The following LBP variants were observed in gnomAD, a reference collection of about 807,000 sequenced individuals.
The protein encoded by LBP is lipopolysaccharide binding protein, also known as lipopolysaccharide-binding protein.
LBP carries 53 observed loss-of-function variants against 56.6 expected under a neutral mutation model. The ratio of observed to expected loss-of-function variants is 0.94; its 90% CI spans 0.75 to 1.18. LBP has a LOEUF of 1.18. LBP is among the 50% of genes most tolerant of loss of function. The pLI, the probability that LBP is intolerant of heterozygous loss-of-function variation, is 0.00. For missense variants in LBP, 601 were observed against 598.3 expected, an observed-to-expected ratio of 1.00 and a Z score of -0.05; for synonymous variants, 227 against 247.5, an observed-to-expected ratio of 0.92 and a Z score of 0.78.
At position 38,346,564 on chromosome 20, in the gene LBP, G is replaced by T. The variant is rs1455577921; in HGVS notation, c.48G>T (p.Leu16=). Residue 16 remains leucine (L), a synonymous_variant, in exon 1 of 15, where the codon CTG becomes CTT. Transcript: ENST00000217407. Reference sequence around the variant, plus strand: ...TGCCGTCCATACTGCTGGCATTGCTGCTTACGTCCACCCCAGAGGCTCTGG... The same window carrying T: ...TGCCGTCCATACTGCTGGCATTGCTTCTTACGTCCACCCCAGAGGCTCTGG... ...RALPSILLAL[L]LTSTPEALGA... The T allele has an allele frequency of 6.2e-7, 1 of 1,613,724 alleles. No homozygotes were observed. Among genetic ancestry groups the T allele is most frequent in the Non-Finnish European group, 8.5e-7 (1 of 1,180,018 alleles).
chr20:38,372,499 T>C (rs534076414), intron 12 of LBP, among the ~76,000 whole-genome samples: 173 of 152,314 alleles, frequency 1.1e-3, no homozygotes, highest in Non-Finnish European at 2.0e-3. Context: ...GCATGAAATG[T>C]AAAAACAAAA....
chr20:38,350,756 G>T, intron 2 of LBP, 55 bp from the exon 3 acceptor site: 14 of 1,560,018 alleles, frequency 9.0e-6, no homozygotes, highest in Non-Finnish European at 1.2e-5. Context: ...AAGGTCCCTG[G>T]TGAGGCTGGG....
At chr20:38,355,255 TG>T (rs1278492469) in intron 4 of LBP, 90 bp from the exon 5 acceptor site, 8 of 1,163,924 alleles carry the variant, frequency 6.9e-6, no homozygotes, top group Non-Finnish European at 1.0e-5. Flanking sequence ...GGGCTCCCTT[TG>T]TGGACTGGCC....
At chr20:38,353,662 C>T (rs1428336362) in intron 3 of LBP, among the ~76,000 whole-genome samples, 1 of 152,046 alleles carries the variant, frequency 6.6e-6, no homozygotes, top group Non-Finnish European at 1.5e-5. Context: ...TTTCAGAAAG[C>T]TTGTGCCAAT....
chr20:38,349,618 C>T lies in LBP; in HGVS notation c.195C>T (p.Asp65=), dbSNP rs2076813313. 6.2e-7 allele frequency: 1 copy of T among 1,611,876 alleles called. No homozygotes were observed. The highest frequency in any genetic ancestry group is 8.5e-7 in the Non-Finnish European group (1 of 1,179,226). Residue 65 remains aspartate (D), a synonymous_variant, in exon 2 of 15, where the codon GAC becomes GAT. Coordinates refer to ENST00000217407, the MANE Select transcript of LBP (RefSeq NM_004139.5). ...LRITLPDFTG[D]LRIPHVGRGR... ...TCACGCTGCCTGACTTCACCGGGGA[C>T]TTGAGGATCCCCCACGTCGGCCGTG...
chr20:38,350,593 G>A (rs1262366784), intron 2 of LBP, among the ~76,000 whole-genome samples: 1 of 152,248 alleles, frequency 6.6e-6, no homozygotes, highest in African/African-American at 2.4e-5. Flanking sequence ...TGGAAAGGGA[G>A]CAAGAACACT....
In LBP at chr20:38,374,028, G is replaced by C. The variant is rs369218928; in HGVS notation, c.1401+15G>C. The C allele has an allele frequency of 1.9e-6, 3 of 1,613,150 alleles. No individual in the cohort carries two copies. The highest frequency in any genetic ancestry group is 2.5e-6 in the Non-Finnish European group (3 of 1,179,358). On this transcript the variant is annotated intron_variant, in intron 14 of 14. Transcript: ENST00000217407. ...AGATCCATAAGGTCGGTGGGTTCAG[G>C]GGGGCTCTGAGGATGTGTGAGGGAG...
At position 38,371,334 on chromosome 20, in the gene LBP, T is replaced by C; in HGVS notation, c.1260+12T>C. On this transcript the variant is annotated intron_variant, in intron 12 of 14. Coordinates refer to ENST00000217407, the MANE Select transcript of LBP (RefSeq NM_004139.5). ...TTGGACTATTCAATGTAAGTTGTTT[T>C]TATTGATGACATGATTAGAATGTTA... The C allele has an allele frequency of 6.3e-7, 1 of 1,579,180 alleles. No homozygotes were observed. Among genetic ancestry groups the C allele is most frequent in the Non-Finnish European group, 8.7e-7 (1 of 1,149,024 alleles).
chr20:38,365,180 A>G (rs2076876171), intron 8 of LBP, among the ~76,000 whole-genome samples: 1 of 142,174 alleles, frequency 7.0e-6, no homozygotes, highest in South Asian at 2.3e-4. Flanking sequence ...GGTTGCAGTG[A>G]GCCAAGATCA....
At chr20:38,376,490 C>G in intron 14 of LBP, 135 bp from the exon 15 acceptor site, 1 of 782,846 alleles carries the variant, frequency 1.3e-6, no homozygotes, top group East Asian at 2.5e-5. Context: ...CTGAGGCACA[C>G]TCGCAATTTA....
intron 5 of LBP, among the ~76,000 whole-genome samples, chr20:38,357,297 A>C (rs566665810): frequency 6.6e-6 from 1 of 152,302 alleles, no homozygotes; most frequent in South Asian, 2.1e-4. Flanking sequence ...TAGAATGTGG[A>C]GCAGCTTGTA....
At chr20:38,347,045 T>A (rs753827645) in intron 1 of LBP, among the ~76,000 whole-genome samples, 9 of 152,110 alleles carry the variant, frequency 5.9e-5, no homozygotes, top group Non-Finnish European at 1.5e-5. Context: ...AACACATGCC[T>A]CTGAACTGGA....
Position 38,369,151 on chromosome 20 carries a change from C to T in LBP, c.1138C>T (p.Arg380Trp), listed in dbSNP as rs5744213. ...CAGCTCCAGCAAGGAGCCTGTCTTC[C>T]GGCTCAGTGTGGTAAGGTTCAGAGC... is the stretch of plus-strand genomic sequence containing the variant. ...LPSSSKEPVF[R>W]LSVATNVSAT... Residue 380 changes from arginine (R) to tryptophan (W), a missense_variant, in exon 10 of 15, where the codon CGG becomes TGG. Coordinates refer to ENST00000217407, the MANE Select transcript of LBP (RefSeq NM_004139.5). 2,989 of 1,613,922 alleles carry T rather than the reference C, an allele frequency of 1.9e-3. 4 individuals are homozygous for T. The highest frequency in any genetic ancestry group is 2.3e-3 in the Non-Finnish European group (2,763 of 1,179,936).
chr20:38,354,451 T>C lies in LBP; in HGVS notation c.524+12T>C, dbSNP rs1385004224. The C allele has an allele frequency of 1.2e-6, 2 of 1,601,992 alleles. No individual in the cohort carries two copies. Among genetic ancestry groups the C allele is most frequent in the African/African-American group, 2.7e-5 (2 of 74,670 alleles). On this transcript the variant is annotated intron_variant, in intron 4 of 14. Transcript: ENST00000217407. Reference sequence around the variant, plus strand: ...TCGGGAGACTTGGGGTAGGTCTCCATCGGGGCACTGCCAGCTGGACTCCTG... The same window carrying C: ...TCGGGAGACTTGGGGTAGGTCTCCACCGGGGCACTGCCAGCTGGACTCCTG...
chr20:38,360,267 A>C (rs1292729729), intron 5 of LBP, among the ~76,000 whole-genome samples: 4 of 152,058 alleles, frequency 2.6e-5, no homozygotes, highest in Admixed American at 6.5e-5. Context: ...CTCAAAAAAA[A>C]AAAAAAACAA....
Position 38,364,838 on chromosome 20 carries a change from G to A in LBP, c.921+86G>A, listed in dbSNP as rs540918129. On this transcript the variant is annotated intron_variant, in intron 8 of 14. Transcript: ENST00000217407. ...TTCCTTTTCACCCCTGTTGACATCAGTCAAATAGTGAGTTATAGCTAAGAG... is the reference window on the plus strand; with the variant it reads ...TTCCTTTTCACCCCTGTTGACATCAATCAAATAGTGAGTTATAGCTAAGAG... 4.3e-5 allele frequency: 51 copies of A among 1,195,470 alleles called. No homozygotes were observed. The African/African-American group carries it at 7.2e-4, about 17-fold the overall frequency. The allele number at this position is 1,195,470 out of a possible 1,614,324, so 74.1% of individuals were successfully genotyped here. A position where few individuals can be genotyped will look rare whatever the true frequency, so the allele number is the denominator to read the frequency against.
intron 10 of LBP, among the ~76,000 whole-genome samples, chr20:38,369,825 G>A (rs186717435): frequency 2.0e-5 from 3 of 152,092 alleles, no homozygotes; most frequent in African/African-American, 2.4e-5. Flanking sequence ...CCAATTCCCC[G>A]TATTAAATTC....
At position 38,355,300 on chromosome 20, in the gene LBP, C is replaced by T. The variant is rs536903982; in HGVS notation, c.525-46C>T. On this transcript the variant is annotated intron_variant, in intron 4 of 14. Transcript: ENST00000217407. ...GACCAGGGCCTGGCTTTCCCAGGCA[C>T]CCGGCCATCCCCAAGTTCAGTGGCA... The T allele has an allele frequency of 5.7e-6, 9 of 1,587,970 alleles. No homozygotes were observed. In the African/African-American group the frequency reaches 9.4e-5, roughly 17 times the overall value.
At chr20:38,351,063 C>T (rs917012017) in intron 3 of LBP, 124 bp downstream of exon 3, 26 of 1,275,526 alleles carry the variant, frequency 2.0e-5, no homozygotes, top group Admixed American at 2.0e-4. Flanking sequence ...AGTCCAAGCC[C>T]GGAGGTGGCC....
Sources: gnomAD v4.1 joint callset for allele counts (sites outside exome capture counted in the v4.1 genomes callset) on GRCh38, gnomAD v4.1.1 for gene constraint, MANE v1.5 for transcripts, NCBI Gene and HGNC (gene_info 2026-07-23, HGNC 2026-07-21) for gene names.